The following MB21D2 variants were observed in gnomAD, a reference collection of about 807,000 sequenced individuals.
MB21D2 encodes the protein Mab-21 domain containing 2, also known as nucleotidyltransferase MB21D2.
Under a neutral mutation model 33.3 loss-of-function variants are expected in MB21D2, and 9 were observed. That is an observed-to-expected ratio of 0.27 (90% confidence interval 0.16 to 0.47). The LOEUF (loss-of-function observed/expected upper bound fraction) is 0.47. MB21D2 is among the 20% of genes least tolerant of loss of function. The pLI is 0.99. For missense variants in MB21D2, 540 were observed against 624.6 expected (o/e 0.86, Z 1.44); for synonymous variants, 241 against 236.3 (o/e 1.02, Z -0.18).
chr3:192,820,851 A>C (rs1191555493), intron 1 of MB21D2, among the ~76,000 whole-genome samples: 1 of 152,084 alleles, frequency 6.6e-6, no homozygotes, highest in Non-Finnish European at 1.5e-5. Flanking sequence ...TCCAGCCTCA[A>C]ACTCTTGGGC....
At chr3:192,848,733 C>T (rs1712723565) in intron 1 of MB21D2, among the ~76,000 whole-genome samples, 1 of 152,158 alleles carries the variant, frequency 6.6e-6, no homozygotes, top group Admixed American at 6.5e-5. Flanking sequence ...AGTATATACA[C>T]AAGGTAGGCA....
intron 1 of MB21D2, among the ~76,000 whole-genome samples, chr3:192,891,606 G>A (rs1713855333): frequency 1.3e-5 from 2 of 152,086 alleles, no homozygotes; most frequent in Admixed American, 6.5e-5. Flanking sequence ...AGATGACACT[G>A]TTTAACATGA....
chr3:192,864,018 A>G lies in MB21D2; in HGVS notation c.211+53612T>C, dbSNP rs1713108979. On this transcript the variant is annotated intron_variant, in intron 1 of 1. Coordinates refer to ENST00000392452, the MANE Select transcript of MB21D2 (RefSeq NM_178496.4). ...CAAGAAAATGTAAAAACATAATGTG[A>G]CAGATGTCTTTACATCAGTAGTGGA... Among the ~76,000 whole-genome samples, 4 of 152,226 alleles carry G rather than the reference A, an allele frequency of 2.6e-5. No individual in the cohort carries two copies. In the South Asian group the frequency reaches 8.3e-4, roughly 32 times the overall value.
intron 1 of MB21D2, among the ~76,000 whole-genome samples, chr3:192,870,447 T>C (rs977563329): frequency 6.6e-6 from 1 of 152,104 alleles, no homozygotes; most frequent in Non-Finnish European, 1.5e-5. Context: ...TCCCAGCACT[T>C]TGGGAGGCCG....
chr3:192,884,452 C>A (rs7645455), intron 1 of MB21D2, among the ~76,000 whole-genome samples: 4 of 150,944 alleles, frequency 2.6e-5, no homozygotes, highest in Admixed American at 6.6e-5. Flanking sequence ...CTGCAAGCTC[C>A]GCCTCCCGGG....
intron 1 of MB21D2, among the ~76,000 whole-genome samples, chr3:192,813,299 AATTTTT>A (rs1560227925): frequency 6.8e-6 from 1 of 147,608 alleles, no homozygotes. Context: ...TACTGCAGTT[AATTTTT>A]TTTTTTTTTT....
rs1295207761 is a variant in MB21D2, at chr3:192,881,290, CAA to C, written c.211+36338_211+36339del. Among the ~76,000 whole-genome samples the C allele has an allele frequency of 3.3e-5, 5 of 152,038 alleles. No individual in the cohort carries two copies. In the East Asian group the frequency reaches 5.8e-4, roughly 18 times the overall value. ...ATGGAGGAAGGACCCCAAAACTAGA[CAA>C]AAGTCTTGGACCCAACAGTGAATCA... On this transcript the variant is annotated intron_variant, in intron 1 of 1. Transcript: ENST00000392452.
intron 1 of MB21D2, among the ~76,000 whole-genome samples, chr3:192,837,569 A>AAC (rs1712467924): frequency 6.6e-6 from 1 of 152,208 alleles, no homozygotes; most frequent in Non-Finnish European, 1.5e-5. Flanking sequence ...TCCTGTAGCA[A>AAC]ACCTTGATTG....
At chr3:192,845,849 TA>T (rs1364831493) in intron 1 of MB21D2, among the ~76,000 whole-genome samples, 2 of 151,772 alleles carry the variant, frequency 1.3e-5, no homozygotes, top group Non-Finnish European at 2.9e-5. Context: ...GAGACTGAGG[TA>T]GGGGGATTGC....
At chr3:192,824,428 T>C (rs1712124495) in intron 1 of MB21D2, among the ~76,000 whole-genome samples, 1 of 151,892 alleles carries the variant, frequency 6.6e-6, no homozygotes, top group Non-Finnish European at 1.5e-5. Context: ...AGTTGACCCT[T>C]TGAAGAAGAA....
At chr3:192,904,516 G>C (rs1282197153) in intron 1 of MB21D2, among the ~76,000 whole-genome samples, 1 of 152,068 alleles carries the variant, frequency 6.6e-6, no homozygotes, top group Non-Finnish European at 1.5e-5. Flanking sequence ...CCTCGGCCCC[G>C]GGCCCTTGGC....
At chr3:192,832,815 G>A (rs1712350087) in intron 1 of MB21D2, among the ~76,000 whole-genome samples, 1 of 152,124 alleles carries the variant, frequency 6.6e-6, no homozygotes, top group South Asian at 2.1e-4. Flanking sequence ...GGACCGGGGG[G>A]AAGAGTACAT....
intron 1 of MB21D2, among the ~76,000 whole-genome samples, chr3:192,869,125 G>A (rs1464681700): frequency 6.6e-6 from 1 of 151,968 alleles, no homozygotes; most frequent in Non-Finnish European, 1.5e-5. Flanking sequence ...GCATGGTGGT[G>A]TGCCCCTGTA....
At chr3:192,812,002 C>T (rs1340074748) in intron 1 of MB21D2, among the ~76,000 whole-genome samples, 1 of 152,072 alleles carries the variant, frequency 6.6e-6, no homozygotes, top group Non-Finnish European at 1.5e-5. Flanking sequence ...CATTCAATCA[C>T]CTTTGTCCGT....
At position 192,799,373 on chromosome 3, in the gene MB21D2, G is replaced by A; in HGVS notation, c.489C>T (p.Asp163=). The change falls in exon 2 of 2, where the codon GAC becomes GAT. Residue 163 remains aspartate (D), a synonymous_variant. Transcript: ENST00000392452. This position sits in a 1 kb window ranked among gnomAD's most constrained non-coding sequence, Gnocchi z 4.1. The part of the protein sequence containing the change: ...FDEGTISKWK[D]CCTIVDHING... Reference sequence around the variant, plus strand: ...TGATGTGATCTACAATGGTGCAGCAGTCTTTCCATTTACTGATTGTCCCCT... The same window carrying A: ...TGATGTGATCTACAATGGTGCAGCAATCTTTCCATTTACTGATTGTCCCCT... 6.2e-7 allele frequency: 1 copy of A among 1,614,266 alleles called. No individual in the cohort carries two copies. The highest frequency in any genetic ancestry group is 8.5e-7 in the Non-Finnish European group (1 of 1,180,050).
intron 1 of MB21D2, among the ~76,000 whole-genome samples, chr3:192,821,606 G>C (rs565633838): frequency 2.6e-5 from 4 of 152,196 alleles, no homozygotes; most frequent in African/African-American, 9.7e-5. Context: ...TCATTGTCAC[G>C]ATTAAAAGGG....
intron 1 of MB21D2, among the ~76,000 whole-genome samples, chr3:192,833,599 A>G (rs755677076): frequency 1.2e-4 from 19 of 152,226 alleles, no homozygotes; most frequent in Non-Finnish European, 2.4e-4. Context: ...CTACGAAGTC[A>G]GAGCACAAAA....
intron 1 of MB21D2, among the ~76,000 whole-genome samples, chr3:192,902,040 T>C (rs367627020): frequency 1.0e-3 from 154 of 152,268 alleles, no homozygotes; most frequent in East Asian, 4.1e-3. Flanking sequence ...AAGGAGGCTG[T>C]AGATAGGATG....
At chr3:192,903,151 T>A (rs970905934) in intron 1 of MB21D2, among the ~76,000 whole-genome samples, 4 of 152,232 alleles carry the variant, frequency 2.6e-5, no homozygotes, top group Non-Finnish European at 5.9e-5. Context: ...TTGGAGTGAC[T>A]TCCCCTGTCT....
Sources: gnomAD v4.1 joint callset for allele counts (sites outside exome capture counted in the v4.1 genomes callset) on GRCh38, gnomAD v4.1.1 for gene constraint, Gnocchi (gnomAD v3.1) non-coding constraint, MANE v1.5 for transcripts, NCBI Gene and HGNC (gene_info 2026-07-23, HGNC 2026-07-21) for gene names.